Variants in PPP1R12B observed in about 807,000 individuals in gnomAD.
PPP1R12B encodes the protein protein phosphatase 1 regulatory subunit 12B.
Under a neutral mutation model 126.1 loss-of-function variants are expected in PPP1R12B, and 76 were observed. That is an observed-to-expected ratio of 0.60 (90% CI 0.50 to 0.73). The LOEUF is 0.73. Ranked by LOEUF, PPP1R12B falls within the 30% of genes least tolerant of loss-of-function variation. The pLI is 0.00. For missense variants in PPP1R12B, 1,052 were observed against 1,205.1 expected, an observed-to-expected ratio of 0.87 and a Z score of 1.88; for synonymous variants, 356 against 434.7, an observed-to-expected ratio of 0.82 and a Z score of 2.25.
Position 202,564,356 on chromosome 1 carries a change from G to A in PPP1R12B, c.2653-87G>A, listed in dbSNP as rs1044539243. 1.1e-5 allele frequency: 10 copies of A among 940,300 alleles called. No homozygotes were observed. The African/African-American group carries it at 1.5e-4, about 14-fold the overall frequency. 58.2% of individuals were successfully genotyped at this position (940,300 alleles called of 1,614,324 possible). On this transcript the variant is annotated intron_variant, in intron 20 of 23. Transcript: ENST00000608999. ...TCTCTCTACCATATAGTGGTGGCTT[G>A]GGGCACAGAGCCCTGGGCATTCTCA...
At chr1:202,494,312 T>C (rs181887300) in intron 15 of PPP1R12B, among the ~76,000 whole-genome samples, 66 of 152,314 alleles carry the variant, frequency 4.3e-4, no homozygotes, top group African/African-American at 1.5e-3. Flanking sequence ...AGGTGTTATC[T>C]CTGTTTTATA....
chr1:202,422,794 G>A, intron 3 of PPP1R12B, 56 bp downstream of exon 3: 1 of 1,609,104 alleles, frequency 6.2e-7, no homozygotes, highest in South Asian at 1.1e-5. Flanking sequence ...GCCATTTACA[G>A]AAAATAATCC....
At chr1:202,401,314 C>T (rs1216493393) in intron 1 of PPP1R12B, among the ~76,000 whole-genome samples, 2 of 149,626 alleles carry the variant, frequency 1.3e-5, no homozygotes, top group African/African-American at 4.9e-5. Context: ...CTCAGCCTCC[C>T]GAGTAGCTAG....
intron 18 of PPP1R12B, among the ~76,000 whole-genome samples, chr1:202,547,068 AT>A (rs1041751454): frequency 1.3e-5 from 2 of 152,174 alleles, no homozygotes; most frequent in African/African-American, 4.8e-5. Flanking sequence ...TTAAGGGTCA[AT>A]TGGTTATGAG....
chr1:202,355,144 A>G (rs933163526), intron 1 of PPP1R12B, among the ~76,000 whole-genome samples: 3 of 151,998 alleles, frequency 2.0e-5, no homozygotes, highest in Admixed American at 1.3e-4. Flanking sequence ...ACCTCAGGTA[A>G]TCCACCCGCC....
At chr1:202,385,060 T>A (rs1326130872) in intron 1 of PPP1R12B, among the ~76,000 whole-genome samples, 1 of 152,248 alleles carries the variant, frequency 6.6e-6, no homozygotes, top group Non-Finnish European at 1.5e-5. Context: ...TCTTGATTAT[T>A]GCTGCTTGGA....
chr1:202,476,708 G>A (rs898236415), intron 13 of PPP1R12B, among the ~76,000 whole-genome samples: 2 of 151,382 alleles, frequency 1.3e-5, no homozygotes, highest in African/African-American at 2.4e-5. Context: ...TTTTTTTTTA[G>A]TAAGACATAT....
chr1:202,576,677 G>A (rs1473371010), intron 23 of PPP1R12B: 1 of 152,108 alleles, frequency 6.6e-6, no homozygotes, highest in African/African-American at 2.4e-5. Flanking sequence ...GTATCCCTTT[G>A]TTGCAAGATA....
chr1:202,393,855 G>A (rs1020915476), intron 1 of PPP1R12B, among the ~76,000 whole-genome samples: 2 of 151,926 alleles, frequency 1.3e-5, no homozygotes, highest in African/African-American at 4.8e-5. Context: ...AAGGCCAGGA[G>A]TTTGAGACCA....
At chr1:202,453,209 A>G (rs1033950504) in intron 13 of PPP1R12B, among the ~76,000 whole-genome samples, 6 of 152,152 alleles carry the variant, frequency 3.9e-5, no homozygotes, top group African/African-American at 1.4e-4. Flanking sequence ...AATTTTATCA[A>G]ATGCTATTTC....
rs145488325 is a variant in PPP1R12B at position 202,365,013 on chromosome 1, G to A, written c.291+15871G>A. Among the ~76,000 whole-genome samples the A allele has an allele frequency of 2.5e-3, 382 of 152,306 alleles. 3 individuals are homozygous for A. Among genetic ancestry groups the A allele is most frequent in the African/African-American group, 8.9e-3 (370 of 41,572 alleles). ...AGGCATGAGCTACCGCACCCAGCCA[G>A]CAAAATTTTTTAAAACAAAAAACAA... On this transcript the variant is annotated intron_variant, in intron 1 of 23. Transcript: ENST00000608999.
chr1:202,422,913 A>G (rs568965747), intron 3 of PPP1R12B, among the ~76,000 whole-genome samples, 175 bp downstream of exon 3: 1 of 152,330 alleles, frequency 6.6e-6, no homozygotes, highest in Non-Finnish European at 1.5e-5. Context: ...AACTCAGACA[A>G]GAATAGGCCA....
rs538401969 is a variant in PPP1R12B at position 202,508,094 on chromosome 1, A to G, written c.2490+11272A>G. Among the ~76,000 whole-genome samples, 6 of 152,352 alleles carry G rather than the reference A, an allele frequency of 3.9e-5. No homozygotes were observed. In the South Asian group the frequency reaches 1.2e-3, roughly 32 times the overall value. On this transcript the variant is annotated intron_variant, in intron 18 of 23. Transcript: ENST00000608999. This position sits in a 1 kb window ranked among gnomAD's most constrained non-coding sequence, Gnocchi z 4.5. ...TATCCCAAGCTGTAAAGCTTCCTGT[A>G]TAAAGCTTGTAAAAATGTAAAGATG...
At chr1:202,574,894 C>G (rs1172794304) in intron 23 of PPP1R12B, 1 of 1,192,946 alleles carries the variant, frequency 8.4e-7, no homozygotes, top group African/African-American at 1.5e-5. Context: ...AAACTAAAAA[C>G]AAAAACAAAA....
chr1:202,554,445 T>A (rs1686670364), intron 18 of PPP1R12B, among the ~76,000 whole-genome samples: 1 of 152,148 alleles, frequency 6.6e-6, no homozygotes, highest in East Asian at 1.9e-4. Context: ...CACTAATCTC[T>A]GAGGTTTTAG....
chr1:202,397,205 A>G (rs1052598269), intron 1 of PPP1R12B, among the ~76,000 whole-genome samples: 9 of 152,280 alleles, frequency 5.9e-5, no homozygotes, highest in Non-Finnish European at 8.8e-5. Context: ...CTGCACTGAA[A>G]CATTTCAAGC....
At chr1:202,442,846 G>A (rs1671802537) in intron 12 of PPP1R12B, among the ~76,000 whole-genome samples, 1 of 151,886 alleles carries the variant, frequency 6.6e-6, no homozygotes, top group Admixed American at 6.6e-5. Flanking sequence ...GTGGCTTTCA[G>A]TAATCTCTGG....
chr1:202,549,679 A>G (rs1402057895), intron 18 of PPP1R12B, among the ~76,000 whole-genome samples: 2 of 151,942 alleles, frequency 1.3e-5, no homozygotes, highest in Non-Finnish European at 2.9e-5. Context: ...CGGCCTCCCA[A>G]AGTGCTGGTA....
chr1:202,362,133 T>G (rs1658328421), intron 1 of PPP1R12B, among the ~76,000 whole-genome samples: 1 of 151,976 alleles, frequency 6.6e-6, no homozygotes, highest in South Asian at 2.1e-4. Context: ...GTGATTTTTA[T>G]TTTTTTTAAA....
Sources: gnomAD v4.1 joint callset for allele counts (sites outside exome capture counted in the v4.1 genomes callset) on GRCh38, gnomAD v4.1.1 for gene constraint, Gnocchi (gnomAD v3.1) non-coding constraint, MANE v1.5 for transcripts, NCBI Gene and HGNC (gene_info 2026-07-23, HGNC 2026-07-21) for gene names.